SUPT3H: variants seen among roughly 807,000 people sequenced by gnomAD.
SUPT3H encodes the protein transcription initiation protein SPT3 homolog.
SUPT3H carries 44 observed loss-of-function variants against 44.3 expected under a neutral mutation model. The observed-to-expected ratio is 0.99, with a 90% CI of 0.78 to 1.28. The LOEUF (loss-of-function observed/expected upper bound fraction) is 1.28, where lower values mean the gene tolerates loss of function less well. Ranked by LOEUF, SUPT3H falls within the 50% of genes most tolerant of loss-of-function variation. The pLI, the probability that SUPT3H is intolerant of heterozygous loss-of-function variation, is 0.00. For synonymous variants in SUPT3H, 124 were observed against 125.6 expected, an observed-to-expected ratio of 0.99 and a Z score of 0.09; for missense variants, 380 against 387.1, an observed-to-expected ratio of 0.98 and a Z score of 0.15.
intron 2 of SUPT3H, among the ~76,000 whole-genome samples, chr6:45,200,572 T>C (rs969304134): frequency 1.3e-5 from 2 of 151,518 alleles, no homozygotes; most frequent in Non-Finnish European, 3.0e-5. Context: ...AAGTACTGTT[T>C]GTAAGCACTT....
intron 3 of SUPT3H, among the ~76,000 whole-genome samples, chr6:45,092,750 CAAAAAAAAA>C (rs71674371): frequency 1.3e-4 from 16 of 127,834 alleles, no homozygotes; most frequent in South Asian, 2.6e-4. Context: ...GACTTCGTCT[CAAAAAAAAA>C]AAAAAAAAAA....
chr6:45,342,007 A>C (rs144071310), intron 2 of SUPT3H, among the ~76,000 whole-genome samples: 5,204 of 152,246 alleles, frequency 0.034, 135 homozygotes, highest in Admixed American at 0.072. Context: ...GCATTAAAAA[A>C]AAACGGAGAC....
chr6:45,183,835 C>G (rs148905021), intron 2 of SUPT3H, among the ~76,000 whole-genome samples: 1 of 152,126 alleles, frequency 6.6e-6, no homozygotes, highest in African/African-American at 2.4e-5. Flanking sequence ...GAAAAGGATA[C>G]CTACTGTATG....
chr6:45,121,595 C>G (rs945767622), intron 2 of SUPT3H, among the ~76,000 whole-genome samples: 1 of 151,758 alleles, frequency 6.6e-6, no homozygotes, highest in South Asian at 2.1e-4. Flanking sequence ...TTTAAATTAA[C>G]CTGTTCATAA....
chr6:45,059,089 T>C (rs931087494), intron 3 of SUPT3H, among the ~76,000 whole-genome samples: 3 of 152,266 alleles, frequency 2.0e-5, no homozygotes, highest in Middle Eastern at 6.8e-3. Context: ...TAGTATTTTC[T>C]ACATAGCATA....
intron 1 of SUPT3H, among the ~76,000 whole-genome samples, chr6:45,372,662 T>C (rs1796246197): frequency 6.6e-6 from 1 of 151,888 alleles, no homozygotes; most frequent in South Asian, 2.1e-4. Flanking sequence ...CCAAACAGAG[T>C]ACTATTTTCT....
intron 2 of SUPT3H, among the ~76,000 whole-genome samples, chr6:45,286,884 C>T (rs952527775): frequency 1.1e-4 from 17 of 152,152 alleles, no homozygotes; most frequent in African/African-American, 3.1e-4. Context: ...AAATGTGGCA[C>T]ATACACACCA....
At chr6:45,243,791 TCTC>T (rs1446835029) in intron 2 of SUPT3H, among the ~76,000 whole-genome samples, 3 of 152,214 alleles carry the variant, frequency 2.0e-5, no homozygotes, top group Non-Finnish European at 4.4e-5. Context: ...AAAGAGCAGT[TCTC>T]CTTCTTTGCA....
At chr6:45,318,316 G>A (rs916923678) in intron 2 of SUPT3H, among the ~76,000 whole-genome samples, 2 of 152,098 alleles carry the variant, frequency 1.3e-5, no homozygotes, top group Non-Finnish European at 2.9e-5. Flanking sequence ...AACTATTCTG[G>A]ATGACACCGT....
intron 10 of SUPT3H, among the ~76,000 whole-genome samples, chr6:44,840,785 A>G (rs970952947): frequency 2.0e-5 from 3 of 152,214 alleles, no homozygotes; most frequent in Non-Finnish European, 4.4e-5. Flanking sequence ...GGCCATTTTC[A>G]TGCACTGACT....
At chr6:45,152,114 A>C (rs1446601296) in intron 2 of SUPT3H, among the ~76,000 whole-genome samples, 1 of 152,068 alleles carries the variant, frequency 6.6e-6, no homozygotes, top group Non-Finnish European at 1.5e-5. Flanking sequence ...GGACTCTCTG[A>C]TCCCACTGCT....
intron 2 of SUPT3H, among the ~76,000 whole-genome samples, chr6:45,110,973 C>T (rs1331347115): frequency 1.3e-5 from 2 of 150,660 alleles, no homozygotes; most frequent in Non-Finnish European, 3.0e-5. Flanking sequence ...AATAACAAAA[C>T]AGCATAAAAT....
chr6:44,919,003 A>C (rs896995247), intron 10 of SUPT3H, among the ~76,000 whole-genome samples: 6 of 152,248 alleles, frequency 3.9e-5, no homozygotes, highest in African/African-American at 1.4e-4. Context: ...TGTATGGGTG[A>C]TGATGAACTA....
At chr6:44,985,289 T>C (rs1278185969) in intron 6 of SUPT3H, among the ~76,000 whole-genome samples, 1 of 151,896 alleles carries the variant, frequency 6.6e-6, no homozygotes, top group East Asian at 1.9e-4. Flanking sequence ...CCCAGCTACT[T>C]AGGAGTCTGA....
At chr6:45,050,676 G>A (rs1456697703) in intron 3 of SUPT3H, among the ~76,000 whole-genome samples, 3 of 152,070 alleles carry the variant, frequency 2.0e-5, no homozygotes, top group Non-Finnish European at 4.4e-5. Context: ...GATTTTGCAT[G>A]TTGATAATAC....
intron 2 of SUPT3H, among the ~76,000 whole-genome samples, chr6:45,354,942 A>G (rs2150212284): frequency 6.6e-6 from 1 of 152,258 alleles, no homozygotes; most frequent in African/African-American, 2.4e-5. Flanking sequence ...ATTGGAAAGA[A>G]ACTGGAAAGA....
intron 2 of SUPT3H, among the ~76,000 whole-genome samples, chr6:45,296,465 G>A (rs1781241996): frequency 6.6e-6 from 1 of 152,084 alleles, no homozygotes; most frequent in Admixed American, 6.5e-5. Flanking sequence ...AGTGCCAGGT[G>A]TGATGACTCA....
chr6:44,830,632 C>T (rs1768489680), intron 10 of SUPT3H, among the ~76,000 whole-genome samples: 1 of 152,102 alleles, frequency 6.6e-6, no homozygotes, highest in Admixed American at 6.5e-5. Flanking sequence ...TCCTGAATTC[C>T]ACCATAAGAC....
In SUPT3H at chr6:44,827,272, T is replaced by TA. The variant is rs1309654916; in HGVS notation, c.*2543_*2544insT. ...TGAAGATTTTACTATATAACACGTA[T>TA]GCTTTAGGATGTATCCATAATTAGT... On this transcript the variant is annotated 3_prime_UTR_variant, in exon 11 of 11. Coordinates refer to ENST00000371459, the MANE Select transcript of SUPT3H (RefSeq NM_003599.4). Among the ~76,000 whole-genome samples the TA allele has an allele frequency of 6.6e-6, 1 of 152,202 alleles. No homozygotes were observed.
Sources: allele counts gnomAD v4.1 joint callset (sites outside exome capture counted in the v4.1 genomes callset), GRCh38; gene constraint gnomAD v4.1.1; transcripts MANE v1.5; gene names NCBI Gene and HGNC (gene_info 2026-07-23, HGNC 2026-07-21).